ATP8A1: variants seen among roughly 807,000 people sequenced by gnomAD.
The protein encoded by ATP8A1 is ATPase phospholipid transporting 8A1, also known as phospholipid-transporting ATPase IA.
In ATP8A1, 90 loss-of-function variants were observed where a neutral mutation model predicts 177.7. That is an observed-to-expected ratio of 0.51 (90% CI 0.43 to 0.60). The LOEUF (loss-of-function observed/expected upper bound fraction) is 0.60, where lower values mean the gene tolerates loss of function less well. Ranked by LOEUF, ATP8A1 falls within the 20% of genes least tolerant of loss-of-function variation. The pLI, the probability that ATP8A1 is intolerant of heterozygous loss-of-function variation, is 0.00. For missense variants in ATP8A1, 1,072 were observed against 1,392.8 expected (o/e 0.77, Z 3.67); for synonymous variants, 493 against 485.9 (o/e 1.01, Z -0.19).
In ATP8A1 at chr4:42,588,293, G is replaced by C. The variant is rs1392240458; in HGVS notation, c.561C>G (p.Asn187Lys). 1 of 1,613,906 alleles carries C rather than the reference G, an allele frequency of 6.2e-7. No individual in the cohort carries two copies. The highest frequency in any genetic ancestry group is 8.5e-7 in the Non-Finnish European group (1 of 1,179,858). Residue 187 changes from asparagine to lysine, a missense_variant, in exon 8 of 37, where the codon AAC (asparagine) becomes AAG (lysine). Asn to Lys is a moderately conservative substitution (Grantham distance 94, BLOSUM62 0). Transcript: ENST00000381668. ...PQAMCYIETS[N>K]LDGETNLKIR... Reference sequence around the variant, plus strand: ...TTTTCAAGTTTGTTTCACCATCTAAGTTGGATGTTTCAATGTAGCACATGG... The same window carrying C: ...TTTTCAAGTTTGTTTCACCATCTAACTTGGATGTTTCAATGTAGCACATGG...
At chr4:42,433,778 G>T (rs1715585672) in intron 33 of ATP8A1, among the ~76,000 whole-genome samples, 1 of 151,728 alleles carries the variant, frequency 6.6e-6, no homozygotes, top group East Asian at 1.9e-4. Context: ...ATCTCGTGGG[G>T]GCTAAGAACC....
intron 33 of ATP8A1, among the ~76,000 whole-genome samples, chr4:42,440,057 C>T (rs935682038): frequency 5.3e-5 from 8 of 152,180 alleles, no homozygotes; most frequent in African/African-American, 1.9e-4. Flanking sequence ...TACCGACAAG[C>T]ACTCTCTCCT....
intron 25 of ATP8A1, among the ~76,000 whole-genome samples, chr4:42,465,727 A>G (rs1719668327): frequency 6.6e-6 from 1 of 152,206 alleles, no homozygotes; most frequent in Non-Finnish European, 1.5e-5. Context: ...TTCTAAAGCC[A>G]TTTAAGAAAT....
At position 42,569,226 on chromosome 4, in the gene ATP8A1, G is replaced by A. The variant is rs529891905; in HGVS notation, c.1296-21C>T. 8.8e-5 allele frequency: 140 copies of A among 1,594,378 alleles called. 4 individuals are homozygous for A. In the South Asian group the frequency reaches 1.5e-3, roughly 17 times the overall value. On this transcript the variant is annotated intron_variant, in intron 14 of 36. Coordinates refer to ENST00000381668, the MANE Select transcript of ATP8A1 (RefSeq NM_006095.2). ...CATGGCTTCAGAAAGCAAGAAGAGA[G>A]GCAGAAAGAGAGGAAAAATAATCAC... is the stretch of plus-strand genomic sequence containing the variant.
At chr4:42,527,010 A>G (rs1165173121) in intron 20 of ATP8A1, among the ~76,000 whole-genome samples, 1 of 152,234 alleles carries the variant, frequency 6.6e-6, no homozygotes, top group African/African-American at 2.4e-5. Context: ...GACTCTATAC[A>G]TAATACCTTT....
intron 24 of ATP8A1, among the ~76,000 whole-genome samples, chr4:42,491,483 GAAACCCTTGATAA>G (rs1322635056): frequency 2.0e-5 from 3 of 152,008 alleles, no homozygotes; most frequent in Admixed American, 2.0e-4. Flanking sequence ...TAATATTGAG[GAAACCCTTGATAA>G]AAACCCTTGA....
intron 33 of ATP8A1, among the ~76,000 whole-genome samples, chr4:42,427,376 T>C (rs1230141955): frequency 1.3e-5 from 2 of 152,330 alleles, no homozygotes; most frequent in African/African-American, 4.8e-5. Flanking sequence ...AAGGTATTCA[T>C]AAAAGCAGCA....
intron 15 of ATP8A1, chr4:42,561,492 C>T (rs1337257051): frequency 7.2e-5 from 11 of 152,336 alleles, no homozygotes; most frequent in Admixed American, 7.2e-4. Context: ...TAGTCCCACT[C>T]ACAGTGATGG....
chr4:42,501,867 G>C (rs1723888142), intron 24 of ATP8A1, among the ~76,000 whole-genome samples: 1 of 152,154 alleles, frequency 6.6e-6, no homozygotes, highest in Admixed American at 6.5e-5. Flanking sequence ...GCCTTCCCCA[G>C]ACAGCAGTGT....
chr4:42,481,292 A>G (rs1721644018), intron 25 of ATP8A1, among the ~76,000 whole-genome samples: 1 of 152,182 alleles, frequency 6.6e-6, no homozygotes, highest in African/African-American at 2.4e-5. Context: ...GCAGCTTTCC[A>G]ACCAGGACAA....
At chr4:42,516,773 A>G (rs2153196886) in intron 22 of ATP8A1, among the ~76,000 whole-genome samples, 1 of 152,316 alleles carries the variant, frequency 6.6e-6, no homozygotes, top group Non-Finnish European at 1.5e-5. Context: ...TATGAATATG[A>G]GACAAAACAT....
chr4:42,537,529 C>A (rs950106505), intron 20 of ATP8A1, among the ~76,000 whole-genome samples: 10 of 152,114 alleles, frequency 6.6e-5, no homozygotes, highest in African/African-American at 2.4e-4. Flanking sequence ...AAAAACTCCT[C>A]CAAAAAGCTC....
chr4:42,410,084 A>T lies in ATP8A1; in HGVS notation c.*2832T>A, dbSNP rs1308300698. The T allele has an allele frequency of 6.6e-6, 1 of 152,216 alleles. No individual in the cohort carries two copies. Among genetic ancestry groups the T allele is most frequent in the Non-Finnish European group, 1.5e-5 (1 of 68,022 alleles). The allele number at this position is 152,216 out of a possible 1,614,324, so 9.4% of individuals were successfully genotyped here. The stretch of plus-strand genomic sequence containing the variant: ...GTGGAGGTGGGAGGACGGGAAGTAC[A>T]TATATCATTTAAAATTTACAACGTT... On this transcript the variant is annotated 3_prime_UTR_variant, in exon 37 of 37. Transcript: ENST00000381668.
chr4:42,419,233 T>C (rs1267532693), intron 35 of ATP8A1, among the ~76,000 whole-genome samples: 1 of 152,246 alleles, frequency 6.6e-6, no homozygotes, highest in Non-Finnish European at 1.5e-5. Context: ...GTTTATTCTC[T>C]TAACTATTCC....
At chr4:42,608,816 T>C (rs1218653697) in intron 5 of ATP8A1, among the ~76,000 whole-genome samples, 1 of 152,200 alleles carries the variant, frequency 6.6e-6, no homozygotes, top group Non-Finnish European at 1.5e-5. Flanking sequence ...GACTGTAGTA[T>C]AGCTGAGACT....
At chr4:42,587,899 C>T (rs34962172) in intron 8 of ATP8A1, among the ~76,000 whole-genome samples, 28,433 of 151,996 alleles carry the variant, frequency 0.19, 2,676 homozygotes, top group East Asian at 0.26. Context: ...TGAGCCACCG[C>T]GCCCGGCCCT....
At chr4:42,459,349 T>TA (rs1388776819) in intron 27 of ATP8A1, 3 of 167,124 alleles carry the variant, frequency 1.8e-5, no homozygotes, top group African/African-American at 7.2e-5. Context: ...CATTAGTACA[T>TA]AAATTTTGTC....
At position 42,627,675 on chromosome 4, in the gene ATP8A1, T is replaced by C. The variant is rs75849293; in HGVS notation, c.50-566A>G. Reference sequence around the variant, plus strand: ...TTTCTCAAGAGCACTTCAAGTCATCTCATAATCATTGAAACAACAGGATAC... The same window carrying C: ...TTTCTCAAGAGCACTTCAAGTCATCCCATAATCATTGAAACAACAGGATAC... On this transcript the variant is annotated intron_variant, in intron 1 of 36. Coordinates refer to ENST00000381668, the MANE Select transcript of ATP8A1 (RefSeq NM_006095.2). Among the ~76,000 whole-genome samples, 813 of 152,320 alleles carry C rather than the reference T, an allele frequency of 5.3e-3. 12 individuals carry two copies. The highest frequency in any genetic ancestry group is 0.018 in the African/African-American group (758 of 41,580).
At position 42,503,624 on chromosome 4, in the gene ATP8A1, T is replaced by C. The variant is rs1440982568; in HGVS notation, c.2087-110A>G. 4.4e-6 allele frequency: 3 copies of C among 677,020 alleles called. No individual in the cohort carries two copies. The East Asian group carries it at 9.4e-5, about 21-fold the overall frequency. The allele number at this position is 677,020 out of a possible 1,614,324, so 41.9% of individuals were successfully genotyped here. ...TATCTAAAGATGATTTTATAATGAC[T>C]GAGGGCAACCAGTTGTTTTCCAGGT... On this transcript the variant is annotated intron_variant, in intron 23 of 36. Transcript: ENST00000381668.
Sources: gnomAD v4.1 joint callset for allele counts (sites outside exome capture counted in the v4.1 genomes callset) on GRCh38, gnomAD v4.1.1 for gene constraint, MANE v1.5 for transcripts, NCBI Gene and HGNC (gene_info 2026-07-23, HGNC 2026-07-21) for gene names.